TOM1L2: variants seen among roughly 807,000 people sequenced by gnomAD.
TOM1L2 encodes target of myb1 like 2 membrane trafficking protein.
TOM1L2 carries 31 observed loss-of-function variants against 67.9 expected under a neutral mutation model. The observed-to-expected ratio is 0.46, with a 90% CI of 0.34 to 0.62. TOM1L2 has a LOEUF of 0.62. Ranked by LOEUF, TOM1L2 falls within the 20% of genes least tolerant of loss-of-function variation. The pLI is 0.01. For synonymous variants in TOM1L2, 256 were observed against 254.0 expected, an observed-to-expected ratio of 1.01 and a Z score of -0.07; for missense variants, 606 against 663.5, an observed-to-expected ratio of 0.91 and a Z score of 0.95.
chr17:17,877,403 C>T (rs1181522515), intron 7 of TOM1L2, among the ~76,000 whole-genome samples: 5 of 152,150 alleles, frequency 3.3e-5, no homozygotes, highest in Admixed American at 6.5e-5. Flanking sequence ...TTCTCTGCCC[C>T]GAGCACTCTG....
chr17:17,864,401 A>G (rs935801080), intron 10 of TOM1L2, among the ~76,000 whole-genome samples: 1 of 149,970 alleles, frequency 6.7e-6, no homozygotes, highest in South Asian at 2.1e-4. Flanking sequence ...TAGTAGAGAC[A>G]GGGTTTCACC....
intron 9 of TOM1L2, 54 bp downstream of exon 9, chr17:17,866,822 G>A (rs371153984): frequency 7.5e-5 from 115 of 1,532,012 alleles, no homozygotes; most frequent in Non-Finnish European, 9.5e-5. Flanking sequence ...CCTCCAAAAC[G>A]TGGAGGGGTA....
At chr17:17,892,583 C>T (rs2038344199) in intron 4 of TOM1L2, among the ~76,000 whole-genome samples, 1 of 152,174 alleles carries the variant, frequency 6.6e-6, no homozygotes, top group Non-Finnish European at 1.5e-5. Context: ...GGCCTCTGGG[C>T]ATCCTTCTGG....
chr17:17,848,934 A>G, intron 13 of TOM1L2, 75 bp from the exon 14 acceptor site: 1 of 1,519,376 alleles, frequency 6.6e-7, no homozygotes, highest in East Asian at 2.3e-5. Context: ...CTGTCTGCCC[A>G]TGGCCACCCT....
At position 17,907,486 on chromosome 17, in the gene TOM1L2, T is replaced by A. The variant is rs528653796; in HGVS notation, c.98A>T (p.Asn33Ile). The A allele has an allele frequency of 6.2e-7, 1 of 1,614,162 alleles. No homozygotes were observed. The highest frequency in any genetic ancestry group is 1.7e-5 in the Admixed American group (1 of 60,028). Residue 33 changes from asparagine to isoleucine, a missense_variant, in exon 2 of 15, where the codon AAT becomes ATT. Asn to Ile is a moderately radical substitution (Grantham distance 149). Coordinates refer to ENST00000379504, the MANE Select transcript of TOM1L2 (RefSeq NM_001082968.2). ...ATTGATGATGTCACAGATCTCCATA[T>A]TCAACGTCCAATCCTCACTTTGCAG... The part of the protein sequence containing the change: ...GSLQSEDWTL[N>I]MEICDIINET...
chr17:17,922,362 G>A (rs1479164643), intron 1 of TOM1L2, among the ~76,000 whole-genome samples: 1 of 152,206 alleles, frequency 6.6e-6, no homozygotes, highest in Admixed American at 6.5e-5. Context: ...TTTTCTCTAA[G>A]GAGTCTGGGC....
intron 1 of TOM1L2, among the ~76,000 whole-genome samples, chr17:17,957,599 G>C (rs2041511140): frequency 6.6e-6 from 1 of 150,816 alleles, no homozygotes; most frequent in Non-Finnish European, 1.5e-5. Context: ...ATCATTAGAA[G>C]GCAAATATAT....
At chr17:17,919,412 C>G (rs1220780348) in intron 1 of TOM1L2, among the ~76,000 whole-genome samples, 6 of 152,200 alleles carry the variant, frequency 3.9e-5, no homozygotes, top group Admixed American at 3.3e-4. Flanking sequence ...CCATCAGATT[C>G]AAAACCCTGG....
chr17:17,971,671 C>G (rs1196375986), intron 1 of TOM1L2, among the ~76,000 whole-genome samples: 1 of 152,212 alleles, frequency 6.6e-6, no homozygotes, highest in South Asian at 2.1e-4. Context: ...TGGCAGTGAG[C>G]CTGCTGGGCT....
chr17:17,945,265 CAT>C (rs879925271), intron 1 of TOM1L2, among the ~76,000 whole-genome samples: 14 of 147,778 alleles, frequency 9.5e-5, no homozygotes, highest in Non-Finnish European at 1.8e-4. Flanking sequence ...CACACACACA[CAT>C]ACACACACAC....
chr17:17,894,438 G>A (rs961581379), intron 3 of TOM1L2, among the ~76,000 whole-genome samples: 1 of 152,194 alleles, frequency 6.6e-6, no homozygotes, highest in Non-Finnish European at 1.5e-5. Flanking sequence ...GGGAAAACAA[G>A]TGACACAGGC....
rs555885926 is a variant in TOM1L2 at position 17,868,870 on chromosome 17, T to C, written c.911+470A>G. 3.2e-4 allele frequency: 54 copies of C among 166,356 alleles called. 1 individual carries two copies. The highest frequency in any genetic ancestry group is 2.8e-3 in the South Asian group (19 of 6,782). The allele number at this position is 166,356 out of a possible 1,614,324, so 10.3% of individuals were successfully genotyped here. A position where few individuals can be genotyped will look rare whatever the true frequency, so the allele number is the denominator to read the frequency against. The stretch of plus-strand genomic sequence containing the variant: ...CTTCCCCTGAATGCTCTAGATAACA[T>C]TGACATTTGCAAAGGGAAAAGCTTT... On this transcript the variant is annotated intron_variant, in intron 8 of 14. Transcript: ENST00000379504.
chr17:17,908,916 C>T (rs1293305101), intron 1 of TOM1L2, among the ~76,000 whole-genome samples: 2 of 152,196 alleles, frequency 1.3e-5, no homozygotes, highest in Non-Finnish European at 2.9e-5. Flanking sequence ...GGCGCGGTGG[C>T]TCACGTCTGT....
chr17:17,911,306 C>A (rs1598318960), intron 1 of TOM1L2, among the ~76,000 whole-genome samples: 1 of 152,284 alleles, frequency 6.6e-6, no homozygotes, highest in East Asian at 1.9e-4. Context: ...CCTGCCCTGC[C>A]CTGTCCAGTC....
At chr17:17,909,488 C>T (rs1250349236) in intron 1 of TOM1L2, among the ~76,000 whole-genome samples, 1 of 150,516 alleles carries the variant, frequency 6.6e-6, no homozygotes, top group African/African-American at 2.5e-5. Flanking sequence ...TGAAATAAGC[C>T]TTTCACCAAG....
intron 12 of TOM1L2, 128 bp downstream of exon 12, chr17:17,861,348 T>C: frequency 1.3e-6 from 1 of 799,210 alleles, no homozygotes; most frequent in Non-Finnish European, 2.0e-6. Flanking sequence ...CCCCCGTGGG[T>C]CTCTCCCCCA....
intron 3 of TOM1L2, 86 bp from the exon 4 acceptor site, chr17:17,893,896 C>T: frequency 7.2e-7 from 1 of 1,393,874 alleles, no homozygotes; most frequent in Non-Finnish European, 9.9e-7. Context: ...GAGTTTCCAC[C>T]ATCCCCTCTG....
intron 1 of TOM1L2, among the ~76,000 whole-genome samples, chr17:17,970,454 A>G (rs1309104054): frequency 2.0e-5 from 3 of 151,132 alleles, no homozygotes; most frequent in Non-Finnish European, 3.0e-5. Flanking sequence ...TAAAGGGGAC[A>G]GAAAGGAAAA....
chr17:17,896,091 G>C (rs1223191601), intron 3 of TOM1L2, among the ~76,000 whole-genome samples: 1 of 152,030 alleles, frequency 6.6e-6, no homozygotes, highest in African/African-American at 2.4e-5. Flanking sequence ...GTCTCTGCTT[G>C]TGCCTGATTC....
Sources: allele counts gnomAD v4.1 joint callset (sites outside exome capture counted in the v4.1 genomes callset), GRCh38; gene constraint gnomAD v4.1.1; transcripts MANE v1.5; gene names NCBI Gene and HGNC (gene_info 2026-07-23, HGNC 2026-07-21).